The following ABTB3 variants were observed in gnomAD, a reference collection of about 807,000 sequenced individuals.
ABTB3 encodes ankyrin repeat- and BTB/POZ domain-containing protein 3.
At chr12:107,422,370 G>C in the ABTB3 span, among the ~76,000 whole-genome samples, 1 of 152,168 alleles carries the variant, frequency 6.6e-6, no homozygotes, top group Non-Finnish European at 1.5e-5. Flanking sequence ...AGGCCCTACA[G>C]GTTGCAGAAA....
the ABTB3 span, among the ~76,000 whole-genome samples, chr12:107,335,700 G>T: frequency 6.6e-6 from 1 of 152,156 alleles, no homozygotes; most frequent in Admixed American, 6.5e-5. Context: ...CAGTGGATGT[G>T]TGCTTTGGCT....
the ABTB3 span, among the ~76,000 whole-genome samples, chr12:107,556,558 T>G: frequency 6.6e-6 from 1 of 152,180 alleles, no homozygotes; most frequent in Non-Finnish European, 1.5e-5. Context: ...ATGAGAAGGA[T>G]GCAGGGTATA....
the ABTB3 span, among the ~76,000 whole-genome samples, chr12:107,648,380 C>CCA: frequency 0.032 from 4,502 of 140,148 alleles, 141 homozygotes; most frequent in African/African-American, 0.071. Flanking sequence ...GACCCCATCT[C>CCA]CACACACACA....
At chr12:107,507,477 G>A in the ABTB3 span, among the ~76,000 whole-genome samples, 1 of 152,068 alleles carries the variant, frequency 6.6e-6, no homozygotes, top group African/African-American at 2.4e-5. Flanking sequence ...TCCCTCTGAT[G>A]GTTATTCTGG....
At chr12:107,338,139 C>A in the ABTB3 span, among the ~76,000 whole-genome samples, 1 of 152,190 alleles carries the variant, frequency 6.6e-6, no homozygotes, top group Non-Finnish European at 1.5e-5. Context: ...TTCCTCCTGA[C>A]TAACTCAAAT....
At chr12:107,330,396 G>C in the ABTB3 span, among the ~76,000 whole-genome samples, 22,867 of 152,238 alleles carry the variant, frequency 0.15, 2,050 homozygotes, top group Non-Finnish European at 0.19. Flanking sequence ...TCTTACCCAA[G>C]AAGAATCTGA....
the ABTB3 span, among the ~76,000 whole-genome samples, chr12:107,492,331 G>T: frequency 1.3e-5 from 2 of 152,144 alleles, no homozygotes; most frequent in East Asian, 3.9e-4. Flanking sequence ...TGGGGGTGAT[G>T]CTGCTCCCCA....
chr12:107,555,340 C>T, the ABTB3 span, among the ~76,000 whole-genome samples: 1 of 152,178 alleles, frequency 6.6e-6, no homozygotes, highest in East Asian at 1.9e-4. Context: ...TACTCGGTTG[C>T]CAAGGAGTTC....
chr12:107,357,298 C>T, the ABTB3 span, among the ~76,000 whole-genome samples: 1 of 152,204 alleles, frequency 6.6e-6, no homozygotes, highest in Non-Finnish European at 1.5e-5. Context: ...CCTCAGCATC[C>T]TTCTCTACCC....
the ABTB3 span, among the ~76,000 whole-genome samples, chr12:107,439,191 C>T: frequency 6.6e-6 from 1 of 152,132 alleles, no homozygotes; most frequent in South Asian, 2.1e-4. Context: ...CTTCAGTTGT[C>T]TGCTTTTTTT....
the ABTB3 span, among the ~76,000 whole-genome samples, chr12:107,366,307 G>C: frequency 6.6e-6 from 1 of 152,322 alleles, no homozygotes; most frequent in South Asian, 2.1e-4. Context: ...TCCAGAGAAA[G>C]CATCGTACAT....
chr12:107,413,240 C>G, the ABTB3 span, among the ~76,000 whole-genome samples: 1 of 152,090 alleles, frequency 6.6e-6, no homozygotes, highest in Non-Finnish European at 1.5e-5. Context: ...CGCCACTGCA[C>G]TCCAGCCTGG....
the ABTB3 span, among the ~76,000 whole-genome samples, chr12:107,397,166 G>A: frequency 0.14 from 21,915 of 152,242 alleles, 1,896 homozygotes; most frequent in Middle Eastern, 0.22. Flanking sequence ...GGGCGTGAAC[G>A]TTTGCAGCTT....
chr12:107,494,330 G>T, the ABTB3 span, among the ~76,000 whole-genome samples: 2 of 152,164 alleles, frequency 1.3e-5, no homozygotes, highest in Non-Finnish European at 2.9e-5. Flanking sequence ...GGTAAAAGGG[G>T]CTCTGACAGA....
the ABTB3 span, among the ~76,000 whole-genome samples, chr12:107,553,182 G>A: frequency 3.3e-5 from 5 of 152,320 alleles, no homozygotes; most frequent in East Asian, 9.6e-4. Context: ...TCCATGAATG[G>A]TGGGGATTAT....
chr12:107,499,746 C>T, the ABTB3 span, among the ~76,000 whole-genome samples: 204 of 151,416 alleles, frequency 1.3e-3, no homozygotes, highest in African/African-American at 4.7e-3. Context: ...AGTGCAGTGG[C>T]ATGATCTTGG....
chr12:107,455,563 G>C, the ABTB3 span, among the ~76,000 whole-genome samples: 1 of 152,050 alleles, frequency 6.6e-6, no homozygotes, highest in Non-Finnish European at 1.5e-5. Context: ...TCCTGTGTCA[G>C]TTAGCTGTTG....
chr12:107,319,265 C>G, the ABTB3 span: 1 of 1,551,330 alleles, frequency 6.4e-7, no homozygotes, highest in Non-Finnish European at 8.7e-7. Flanking sequence ...GGCGCTGCTG[C>G]TGCGTTCGCG....
At chr12:107,351,536 G>A in the ABTB3 span, among the ~76,000 whole-genome samples, 1 of 152,192 alleles carries the variant, frequency 6.6e-6, no homozygotes, top group South Asian at 2.1e-4. Flanking sequence ...GTTGAGAGGT[G>A]AGACCTTTAA....
Sources: allele counts gnomAD v4.1 joint callset (sites outside exome capture counted in the v4.1 genomes callset), GRCh38; gene constraint gnomAD v4.1.1; transcripts MANE v1.5; gene names NCBI Gene and HGNC (gene_info 2026-07-23, HGNC 2026-07-21).